Variants in MTA3 observed in about 807,000 individuals in gnomAD.
MTA3 encodes metastasis-associated protein MTA3.
A neutral mutation model predicts 83.5 loss-of-function variants in MTA3; 34 were observed. The observed-to-expected ratio is 0.41, with a 90% CI of 0.31 to 0.54. The LOEUF (loss-of-function observed/expected upper bound fraction) is 0.54, where lower values mean the gene tolerates loss of function less well. MTA3 is among the 20% of genes least tolerant of loss of function. The pLI is 0.33. For synonymous variants in MTA3, 303 were observed against 252.7 expected (o/e 1.20, Z -1.89); for missense variants, 761 against 726.4 (o/e 1.05, Z -0.55).
At chr2:42,606,579 G>A (rs1683450365) in intron 3 of MTA3, among the ~76,000 whole-genome samples, 1 of 141,672 alleles carries the variant, frequency 7.1e-6, no homozygotes, top group African/African-American at 2.7e-5. Context: ...GGGCGGAGAC[G>A]CTCCTCACTT....
At chr2:42,692,559 C>T (rs1234479800) in intron 9 of MTA3, among the ~76,000 whole-genome samples, 1 of 151,860 alleles carries the variant, frequency 6.6e-6, no homozygotes, top group Non-Finnish European at 1.5e-5. Flanking sequence ...CAAGTAGCTG[C>T]AATTACAGAC....
At chr2:42,521,616 C>T (rs867148452) in intron 2 of MTA3, among the ~76,000 whole-genome samples, 4 of 152,144 alleles carry the variant, frequency 2.6e-5, no homozygotes, top group Admixed American at 6.6e-5. Flanking sequence ...CCGGGGCACA[C>T]AGAAAGGAAG....
intron 3 of MTA3, among the ~76,000 whole-genome samples, chr2:42,600,102 G>T (rs1682374347): frequency 6.6e-6 from 1 of 152,132 alleles, no homozygotes; most frequent in Admixed American, 6.6e-5. Flanking sequence ...GGAGGCTGAG[G>T]CAGGAGAATC....
intron 14 of MTA3, among the ~76,000 whole-genome samples, chr2:42,718,412 T>G (rs1382061034): frequency 1.3e-5 from 2 of 151,424 alleles, no homozygotes; most frequent in Non-Finnish European, 2.9e-5. Flanking sequence ...CATGCCCAGC[T>G]AATTTTGTGT....
intron 2 of MTA3, among the ~76,000 whole-genome samples, chr2:42,552,637 A>AAAG (rs1167406002): frequency 5.9e-5 from 9 of 151,704 alleles, no homozygotes; most frequent in East Asian, 1.9e-4. Context: ...AAAAAAAAAA[A>AAAG]AAGAAGAAGA....
chr2:42,656,291 A>C lies in MTA3; in HGVS notation c.591A>C (p.Leu197Phe). 1 of 1,612,702 alleles carries C rather than the reference A, an allele frequency of 6.2e-7. No individual in the cohort carries two copies. Among genetic ancestry groups the C allele is most frequent in the Non-Finnish European group, 8.5e-7 (1 of 1,178,808 alleles). ...CGGATCGACAGATTGACCAGTTTTTAGTTGTAGCACGGTGAGTATGAGTAT... is the reference window on the plus strand; with the variant it reads ...CGGATCGACAGATTGACCAGTTTTTCGTTGTAGCACGGTGAGTATGAGTAT... ...PLTDRQIDQF[L>F]VVARAVGTFA... Residue 197 changes from leucine (L) to phenylalanine (F), a missense_variant, in exon 7 of 17, where the codon TTA becomes TTC. Physicochemically the swap from Leu to Phe is conservative, Grantham distance 22 (BLOSUM62 0). Coordinates refer to ENST00000405094, the MANE Select transcript of MTA3 (RefSeq NM_001330442.2).
At chr2:42,609,379 A>G in intron 3 of MTA3, 79 bp from the exon 4 acceptor site, 1 of 1,398,068 alleles carries the variant, frequency 7.2e-7, no homozygotes, top group Non-Finnish European at 9.8e-7. Context: ...ATTGAATAAA[A>G]TGTTGATTTG....
At chr2:42,585,306 T>G (rs934821666) in intron 3 of MTA3, among the ~76,000 whole-genome samples, 1 of 151,924 alleles carries the variant, frequency 6.6e-6, no homozygotes, top group Non-Finnish European at 1.5e-5. Flanking sequence ...CAGGGTGGTC[T>G]CGAACTCCCA....
rs560868033 is a variant in MTA3 at position 42,557,045 on chromosome 2, A to G, written c.-140-13392A>G. ...AACATGGACTCCACCCTTCAAGAAC[A>G]CAGTCCAAAATATATATACCTACTT... On this transcript the variant is annotated intron_variant, in intron 2 of 17. Transcript: ENST00000405592. 3.9e-5 allele frequency among the ~76,000 whole-genome samples: 6 copies of G among 152,254 alleles called. No homozygotes were observed. In the East Asian group the frequency reaches 7.7e-4, roughly 20 times the overall value.
At chr2:42,548,861 T>TATAAAATATATATATA (rs1676917396) in intron 2 of MTA3, among the ~76,000 whole-genome samples, 6 of 7,480 alleles carry the variant, frequency 8.0e-4, no homozygotes, top group Non-Finnish European at 9.3e-4. Context: ...ATATATATAA[T>TATAAAATATATATATA]ATATATATAT....
At chr2:42,612,063 G>A (rs1684289472) in intron 4 of MTA3, among the ~76,000 whole-genome samples, 1 of 152,182 alleles carries the variant, frequency 6.6e-6, no homozygotes, top group East Asian at 1.9e-4. Flanking sequence ...CAGTTAGGCC[G>A]GGTAATATGG....
At chr2:42,545,482 G>T (rs140310130) in intron 2 of MTA3, among the ~76,000 whole-genome samples, 13 of 152,288 alleles carry the variant, frequency 8.5e-5, no homozygotes, top group African/African-American at 3.1e-4. Context: ...GGCAAGGAAG[G>T]CTATGTTTGA....
chr2:42,611,832 G>A (rs1420836589), intron 4 of MTA3, among the ~76,000 whole-genome samples: 1 of 152,114 alleles, frequency 6.6e-6, no homozygotes, highest in Admixed American at 6.6e-5. Flanking sequence ...TAATAAATAG[G>A]TGAGATAGAT....
At chr2:42,695,634 CAAAAAAAAAAA>C (rs70963347) in intron 9 of MTA3, 120 bp from the exon 10 acceptor site, 127 of 130,780 alleles carry the variant, frequency 9.7e-4, no homozygotes, top group Admixed American at 2.5e-3. Context: ...CAGTCTATCT[CAAAAAAAAAAA>C]AAAAAAAAAA....
chr2:42,506,445 C>G (rs1006475259), intron 2 of MTA3, among the ~76,000 whole-genome samples: 1 of 151,582 alleles, frequency 6.6e-6, no homozygotes, highest in African/African-American at 2.4e-5. Flanking sequence ...CAGAGTGAGA[C>G]CTTGTCTCAA....
chr2:42,581,548 CTT>C (rs200463680), intron 3 of MTA3, among the ~76,000 whole-genome samples: 27 of 137,836 alleles, frequency 2.0e-4, no homozygotes, highest in African/African-American at 6.4e-4. Context: ...AATTAAAAAA[CTT>C]TTTTTTTTTT....
chr2:42,662,690 C>G (rs765735845), intron 8 of MTA3, among the ~76,000 whole-genome samples: 1 of 151,294 alleles, frequency 6.6e-6, no homozygotes, highest in Non-Finnish European at 1.5e-5. Context: ...TTTAAATGAC[C>G]TCCACCGCCC....
At chr2:42,528,973 A>T (rs1675839220) in intron 2 of MTA3, among the ~76,000 whole-genome samples, 1 of 152,206 alleles carries the variant, frequency 6.6e-6, no homozygotes, top group Non-Finnish European at 1.5e-5. Flanking sequence ...TTTGTTTGGC[A>T]AAACTTGGAG....
intron 14 of MTA3, among the ~76,000 whole-genome samples, chr2:42,716,490 CCCTCCAATAGGCCCCAGTGT>C (rs1667040874): frequency 6.6e-6 from 1 of 152,190 alleles, no homozygotes; most frequent in East Asian, 1.9e-4. Context: ...TCACCCTCCA[CCCTCCAATAGGCCCCAGTGT>C]CTGTTGCTCC....
Sources: allele counts gnomAD v4.1 joint callset (sites outside exome capture counted in the v4.1 genomes callset), GRCh38; gene constraint gnomAD v4.1.1; transcripts MANE v1.5; gene names NCBI Gene and HGNC (gene_info 2026-07-23, HGNC 2026-07-21).